The following TLN2 variants were observed in gnomAD, a reference collection of about 807,000 sequenced individuals.
TLN2 encodes the protein talin-2.
Under a neutral mutation model 294.7 loss-of-function variants are expected in TLN2, and 118 were observed. The observed-to-expected ratio is 0.40, with a 90% CI of 0.34 to 0.47. TLN2 has a LOEUF of 0.47. TLN2 is among the 20% of genes least tolerant of loss of function. The pLI is 0.84. For missense variants in TLN2, 3,083 were observed against 3,282.2 expected (o/e 0.94, Z 1.48); for synonymous variants, 1,431 against 1,304.5 (o/e 1.10, Z -2.09).
intron 2 of TLN2, among the ~76,000 whole-genome samples, chr15:62,596,637 C>T (rs1178167934): frequency 6.6e-6 from 1 of 151,848 alleles, no homozygotes; most frequent in African/African-American, 2.4e-5. Context: ...ACTCTGGAGG[C>T]TGAGGCACGC....
chr15:62,514,915 T>C (rs1014420456), intron 1 of TLN2, among the ~76,000 whole-genome samples: 3 of 152,094 alleles, frequency 2.0e-5, no homozygotes, highest in Non-Finnish European at 4.4e-5. Flanking sequence ...TTTAAAAAAA[T>C]ATAACTCACT....
chr15:62,653,397 G>A (rs2052824084), intron 7 of TLN2, 83 bp downstream of exon 7: 1 of 1,439,422 alleles, frequency 6.9e-7, no homozygotes, highest in Admixed American at 2.7e-5. Context: ...TATGACCCAG[G>A]ACAGGACTTT....
intron 19 of TLN2, among the ~76,000 whole-genome samples, chr15:62,705,859 A>G (rs1050561320): frequency 2.6e-5 from 4 of 152,200 alleles, no homozygotes; most frequent in Non-Finnish European, 4.4e-5. Context: ...ATAGCCAGGA[A>G]ACATCACAGA....
chr15:62,725,865 G>C (rs1435667652), intron 27 of TLN2, among the ~76,000 whole-genome samples: 2 of 152,134 alleles, frequency 1.3e-5, no homozygotes, highest in Non-Finnish European at 2.9e-5. Flanking sequence ...GAGAGCTTCT[G>C]GCTCTTTGAA....
At chr15:62,459,227 CTT>C (rs1020668921) in intron 1 of TLN2, among the ~76,000 whole-genome samples, 1 of 151,068 alleles carries the variant, frequency 6.6e-6, no homozygotes, top group Non-Finnish European at 1.5e-5. Context: ...GTCTCGATCT[CTT>C]GACCTCGTGA....
At chr15:62,462,974 A>G (rs940704775) in intron 1 of TLN2, among the ~76,000 whole-genome samples, 3 of 152,082 alleles carry the variant, frequency 2.0e-5, no homozygotes, top group Non-Finnish European at 4.4e-5. Flanking sequence ...AACTCTCTAG[A>G]GCTCCCTCTT....
At chr15:62,559,335 G>A (rs1290297760) in intron 1 of TLN2, among the ~76,000 whole-genome samples, 1 of 152,160 alleles carries the variant, frequency 6.6e-6, no homozygotes, top group African/African-American at 2.4e-5. Flanking sequence ...CAGCGGATGT[G>A]GACTGAGCCT....
rs1555409170 is a variant in TLN2, at chr15:62,450,567, G to GTGTGTC, written c.-238+59887_-238+59888insCTGTGT. On this transcript the variant is annotated intron_variant, in intron 1 of 58. Coordinates refer to ENST00000636159, the MANE Select transcript of TLN2 (RefSeq NM_015059.3). ...TATGTATGTGTGTGTGTGTGTGTGT[G>GTGTGTC]TGTGTGTCTGTGTGTGTGTGTGTTT... is the stretch of plus-strand genomic sequence containing the variant. Among the ~76,000 whole-genome samples, 235 of 150,868 alleles carry GTGTGTC rather than the reference G, an allele frequency of 1.6e-3. 1 individual carries two copies. Among genetic ancestry groups the GTGTGTC allele is most frequent in the African/African-American group, 5.5e-3 (225 of 40,900 alleles).
At chr15:62,566,624 C>CT (rs757929282) in intron 1 of TLN2, among the ~76,000 whole-genome samples, 22,552 of 135,490 alleles carry the variant, frequency 0.17, 2,190 homozygotes, top group East Asian at 0.44. Context: ...AGAAACCTTC[C>CT]TTTTTTTTTT....
At chr15:62,675,112 T>A in intron 10 of TLN2, 105 bp from the exon 11 acceptor site, 1 of 1,015,110 alleles carries the variant, frequency 9.9e-7, no homozygotes, top group Non-Finnish European at 1.5e-6. Flanking sequence ...CACTTAATGA[T>A]CATTCCTAGC....
chr15:62,706,191 T>C (rs551927317), intron 19 of TLN2, among the ~76,000 whole-genome samples: 4 of 145,838 alleles, frequency 2.7e-5, no homozygotes, highest in African/African-American at 9.9e-5. Context: ...ATGGCTCATA[T>C]GTTTGGGAAG....
intron 37 of TLN2, among the ~76,000 whole-genome samples, chr15:62,760,576 G>A (rs1310426821): frequency 1.3e-5 from 2 of 152,140 alleles, no homozygotes; most frequent in Non-Finnish European, 1.5e-5. Flanking sequence ...CCTTTTGCTG[G>A]GAGGGAGGGT....
In TLN2 at chr15:62,650,148, C is replaced by T; in HGVS notation, c.201C>T (p.Gly67=). 2 of 1,614,154 alleles carry T rather than the reference C, an allele frequency of 1.2e-6. No individual in the cohort carries two copies. The highest frequency in any genetic ancestry group is 1.7e-6 in the Non-Finnish European group (2 of 1,180,012). Residue 67 remains glycine, a synonymous_variant, in exon 5 of 59, where the codon GGC becomes GGT. Transcript: ENST00000636159. ...GGAAAGGGATTTGGCTGGAAGCGGG[C>T]AGAACACTGGATTACTACATGTTGC... is the stretch of plus-strand genomic sequence containing the variant. ...DPRKGIWLEA[G]RTLDYYMLRN...
Position 62,649,058 on chromosome 15 carries a change from G to T in TLN2, c.137-1026G>T, listed in dbSNP as rs559584234. Among the ~76,000 whole-genome samples, 3 of 152,230 alleles carry T rather than the reference G, an allele frequency of 2.0e-5. No individual in the cohort carries two copies. In the East Asian group the frequency reaches 5.8e-4, roughly 29 times the overall value. The stretch of plus-strand genomic sequence containing the variant: ...ATACAAGGTCTTGCTATGTTGCCCA[G>T]GCTGGTCTCATACTCCTGTGCCCAA... On this transcript the variant is annotated intron_variant, in intron 4 of 58. Coordinates refer to ENST00000636159, the MANE Select transcript of TLN2 (RefSeq NM_015059.3).
At chr15:62,787,819 G>A (rs11633002) in intron 45 of TLN2, among the ~76,000 whole-genome samples, 1 of 148,730 alleles carries the variant, frequency 6.7e-6, no homozygotes, top group Non-Finnish European at 1.5e-5. Context: ...AGCCTCCTGA[G>A]TAGCTGAGAT....
chr15:62,838,752 A>C, intron 57 of TLN2, 104 bp from the exon 58 acceptor site: 6 of 1,433,146 alleles, frequency 4.2e-6, no homozygotes, highest in Non-Finnish European at 5.7e-6. Flanking sequence ...ATAATTGGAT[A>C]ATCAATTGAC....
intron 1 of TLN2, among the ~76,000 whole-genome samples, chr15:62,557,567 A>G (rs1377179890): frequency 3.3e-5 from 5 of 152,144 alleles, no homozygotes; most frequent in East Asian, 1.9e-4. Flanking sequence ...AGTAGATTCA[A>G]CTACCTGGGA....
chr15:62,830,916 TAGAGATGTTGTGGGAAGAAA>T (rs1263838688), intron 54 of TLN2: 1 of 151,968 alleles, frequency 6.6e-6, no homozygotes, highest in Non-Finnish European at 1.5e-5. Context: ...TTTTAAAGCA[TAGAGATGTTGTGGGAAGAAA>T]AATAAAAATT....
rs12900862 is a variant in TLN2 at position 62,738,199 on chromosome 15, T to A, written c.3568-15T>A. The A allele has an allele frequency of 8.1e-6, 13 of 1,613,000 alleles. No individual in the cohort carries two copies. The highest frequency in any genetic ancestry group is 1.3e-5 in the African/African-American group (1 of 75,022). Reference sequence around the variant, plus strand: ...GTTTGTACTTAAAGGTGCTTCTCTCTCTCCACGAATTCAGGTGGCTAAAGC... The same window carrying A: ...GTTTGTACTTAAAGGTGCTTCTCTCACTCCACGAATTCAGGTGGCTAAAGC... On this transcript the variant is annotated splice_polypyrimidine_tract_variant and intron_variant, in intron 29 of 58. Coordinates refer to ENST00000636159, the MANE Select transcript of TLN2 (RefSeq NM_015059.3).
Sources: allele counts gnomAD v4.1 joint callset (sites outside exome capture counted in the v4.1 genomes callset), GRCh38; gene constraint gnomAD v4.1.1; transcripts MANE v1.5; gene names NCBI Gene and HGNC (gene_info 2026-07-23, HGNC 2026-07-21).